KATNIP: variants seen among roughly 807,000 people sequenced by gnomAD.
KATNIP encodes the protein katanin interacting protein.
In KATNIP, 126 loss-of-function variants were observed where a neutral mutation model predicts 174.0. The ratio of observed to expected loss-of-function variants is 0.72; its 90% CI spans 0.63 to 0.84. The LOEUF is 0.84. KATNIP is among the 40% of genes least tolerant of loss of function. The pLI, the probability that KATNIP is intolerant of heterozygous loss-of-function variation, is 0.00. For missense variants in KATNIP, 1,958 were observed against 2,109.7 expected (o/e 0.93, Z 1.41); for synonymous variants, 810 against 835.7 (o/e 0.97, Z 0.53).
At chr16:27,705,483 C>T (rs542229817) in intron 12 of KATNIP, among the ~76,000 whole-genome samples, 133 of 152,034 alleles carry the variant, frequency 8.7e-4, no homozygotes, top group Non-Finnish European at 1.5e-3. Context: ...CTTAAGCTGT[C>T]TGGTCCTGGC....
chr16:27,550,243 T>A, intron 1 of KATNIP, 66 bp downstream of exon 1: 1 of 1,567,350 alleles, frequency 6.4e-7, no homozygotes, highest in Non-Finnish European at 8.7e-7. Flanking sequence ...GACCGCGCTT[T>A]GGGCAGAATC....
Position 27,693,187 on chromosome 16 carries a change from C to T in KATNIP, c.941-5141C>T, listed in dbSNP as rs2078794304. Among the ~76,000 whole-genome samples, 3 of 152,148 alleles carry T rather than the reference C, an allele frequency of 2.0e-5. No homozygotes were observed. The South Asian group carries it at 6.2e-4, about 31-fold the overall frequency. ...AGTTTCTTCCAAACCTCATTCTCAG[C>T]CCATGTTTGCTTTACTTTCTCATCT... On this transcript the variant is annotated intron_variant, in intron 8 of 27. Transcript: ENST00000261588.
intron 19 of KATNIP, among the ~76,000 whole-genome samples, chr16:27,764,521 A>G (rs2082062789): frequency 6.6e-6 from 1 of 152,208 alleles, no homozygotes; most frequent in South Asian, 2.1e-4. Flanking sequence ...CCATTTCTCC[A>G]AGAAGCCCTG....
At chr16:27,717,078 G>A (rs1298497603) in intron 13 of KATNIP, among the ~76,000 whole-genome samples, 4 of 152,004 alleles carry the variant, frequency 2.6e-5, no homozygotes, top group African/African-American at 4.8e-5. Flanking sequence ...TCCTGACCTC[G>A]TGATCCGCCC....
chr16:27,554,885 C>T (rs1398902408), intron 1 of KATNIP, among the ~76,000 whole-genome samples: 2 of 151,414 alleles, frequency 1.3e-5, no homozygotes, highest in Admixed American at 6.6e-5. Context: ...CCTCTGCCTC[C>T]CAGGTTCAAG....
At chr16:27,695,705 G>C (rs764914293) in intron 8 of KATNIP, among the ~76,000 whole-genome samples, 5 of 152,142 alleles carry the variant, frequency 3.3e-5, no homozygotes, top group African/African-American at 7.2e-5. Context: ...TTTCCCCAAG[G>C]GTTGAGATTC....
intron 6 of KATNIP, among the ~76,000 whole-genome samples, chr16:27,653,727 C>T (rs2077185079): frequency 6.6e-6 from 1 of 150,750 alleles, no homozygotes; most frequent in Non-Finnish European, 1.5e-5. Context: ...AGCACAATCA[C>T]AGCTCATTGC....
chr16:27,704,486 T>C (rs2079222147), intron 12 of KATNIP, among the ~76,000 whole-genome samples: 1 of 152,146 alleles, frequency 6.6e-6, no homozygotes, highest in Admixed American at 6.6e-5. Flanking sequence ...AACACTTATG[T>C]CTTTCCGCCC....
intron 2 of KATNIP, among the ~76,000 whole-genome samples, chr16:27,596,114 A>G (rs928151501): frequency 4.6e-5 from 7 of 152,176 alleles, no homozygotes; most frequent in South Asian, 2.1e-4. Flanking sequence ...GCAGGCTTTA[A>G]CAGGACGCAT....
At chr16:27,576,332 C>T (rs913194293) in intron 2 of KATNIP, among the ~76,000 whole-genome samples, 1 of 152,078 alleles carries the variant, frequency 6.6e-6, no homozygotes, top group Non-Finnish European at 1.5e-5. Context: ...CTGTTTATCA[C>T]AATACCCAGG....
chr16:27,655,414 T>G (rs1219292813), intron 6 of KATNIP, among the ~76,000 whole-genome samples: 1 of 150,346 alleles, frequency 6.7e-6, no homozygotes, highest in African/African-American at 2.4e-5. Flanking sequence ...TTTATTTATT[T>G]ATTTATTTAT....
intron 8 of KATNIP, among the ~76,000 whole-genome samples, chr16:27,688,222 C>G (rs2142880445): frequency 6.6e-6 from 1 of 152,172 alleles, no homozygotes; most frequent in East Asian, 1.9e-4. Context: ...CTCATTTGAA[C>G]CCAGGAGTTC....
intron 13 of KATNIP, among the ~76,000 whole-genome samples, chr16:27,709,712 G>C (rs959396500): frequency 6.6e-6 from 1 of 152,166 alleles, no homozygotes; most frequent in Non-Finnish European, 1.5e-5. Flanking sequence ...TGAGGGAGTG[G>C]TGCTGGCAGA....
chr16:27,749,687 C>A lies in KATNIP; in HGVS notation c.2727C>A (p.Ser909=), dbSNP rs1197006756. ...GCTCCCTCAGTGCCTTCGACCGCTC[C>A]CACCGGGGACGCATCTCCAACACGG... ...SWSSLSAFDR[S]HRGRISNTEL... is the part of the protein sequence containing the mutation. The change falls in exon 16 of 28, where the codon TCC becomes TCA. Residue 909 remains serine (S), a synonymous_variant. Coordinates refer to ENST00000261588, the MANE Select transcript of KATNIP (RefSeq NM_015202.5). 6.2e-7 allele frequency: 1 copy of A among 1,613,276 alleles called. No homozygotes were observed. Among genetic ancestry groups the A allele is most frequent in the African/African-American group, 1.3e-5 (1 of 75,042 alleles).
At chr16:27,761,630 GT>G (rs1393881901) in intron 19 of KATNIP, 40 bp downstream of exon 19, 27 of 1,549,066 alleles carry the variant, frequency 1.7e-5, no homozygotes, top group Non-Finnish European at 2.4e-5. Flanking sequence ...TGCCCACTGG[GT>G]TTTGGGGACA....
chr16:27,719,191 G>T (rs2080097580), intron 13 of KATNIP, among the ~76,000 whole-genome samples: 1 of 152,190 alleles, frequency 6.6e-6, no homozygotes, highest in African/African-American at 2.4e-5. Context: ...GGCAGAAGAG[G>T]GAAGCAAGGT....
At chr16:27,570,507 C>G (rs957133600) in intron 1 of KATNIP, among the ~76,000 whole-genome samples, 1 of 152,132 alleles carries the variant, frequency 6.6e-6, no homozygotes, top group Non-Finnish European at 1.5e-5. Flanking sequence ...GCAGAGGTTG[C>G]AGTAAGCGGA....
chr16:27,560,961 C>T (rs2089856665), intron 1 of KATNIP, among the ~76,000 whole-genome samples: 1 of 151,806 alleles, frequency 6.6e-6, no homozygotes, highest in Non-Finnish European at 1.5e-5. Flanking sequence ...GCCTTGTAGC[C>T]AAGCTTCCAG....
At chr16:27,753,065 C>T (rs1027476087) in intron 17 of KATNIP, among the ~76,000 whole-genome samples, 8 of 152,066 alleles carry the variant, frequency 5.3e-5, no homozygotes, top group Non-Finnish European at 1.0e-4. Flanking sequence ...GATTGTACCT[C>T]GCAGCCAGGC....
Sources: gnomAD v4.1 joint callset for allele counts (sites outside exome capture counted in the v4.1 genomes callset) on GRCh38, gnomAD v4.1.1 for gene constraint, MANE v1.5 for transcripts, NCBI Gene and HGNC (gene_info 2026-07-23, HGNC 2026-07-21) for gene names.